Variants in SPAG16 observed in about 807,000 individuals in gnomAD.
SPAG16 encodes sperm-associated antigen 16 protein.
SPAG16 carries 86 observed loss-of-function variants against 80.4 expected under a neutral mutation model. That is an observed-to-expected ratio of 1.07 (90% CI 0.90 to 1.28). The LOEUF is 1.28. Ranked by LOEUF, SPAG16 falls within the 50% of genes most tolerant of loss-of-function variation. The probability of loss-of-function intolerance (pLI) is 0.00; values close to 1 mark genes in which losing one functional copy is unlikely to be tolerated. For missense variants in SPAG16, 870 were observed against 765.3 expected (o/e 1.14, Z -1.61); for synonymous variants, 294 against 265.9 (o/e 1.11, Z -1.03).
At chr2:214,070,982 C>G (rs564935566) in intron 13 of SPAG16, among the ~76,000 whole-genome samples, 4 of 152,188 alleles carry the variant, frequency 2.6e-5, no homozygotes, top group African/African-American at 9.6e-5. Context: ...GATTCACCTT[C>G]ATCTGCCCTA....
chr2:213,566,242 C>T (rs549236216), intron 10 of SPAG16, among the ~76,000 whole-genome samples: 5 of 152,152 alleles, frequency 3.3e-5, no homozygotes, highest in South Asian at 2.1e-4. Flanking sequence ...AAATTGCAAA[C>T]GATGCTAGCA....
intron 15 of SPAG16, among the ~76,000 whole-genome samples, chr2:214,334,032 G>A (rs528886627): frequency 2.0e-3 from 302 of 152,266 alleles, no homozygotes; most frequent in African/African-American, 6.9e-3. Context: ...TCCCATATAG[G>A]TAATCTCTCC....
intron 9 of SPAG16, among the ~76,000 whole-genome samples, chr2:213,403,871 A>G (rs1463674541): frequency 3.9e-5 from 6 of 152,198 alleles, no homozygotes; most frequent in Admixed American, 3.3e-4. Context: ...TCAGGATACA[A>G]AATCAATGTA....
Position 213,880,299 on chromosome 2 carries a change from C to T in SPAG16, c.1214+17671C>T, listed in dbSNP as rs117401747. 5.5e-3 allele frequency among the ~76,000 whole-genome samples: 835 copies of T among 152,222 alleles called. 13 individuals are homozygous for T. The highest frequency in any genetic ancestry group is 0.042 in the East Asian group (218 of 5,180). On this transcript the variant is annotated intron_variant, in intron 11 of 15. Transcript: ENST00000331683. ...CTTTTGAGAAGTGTCTGTTCATGGC[C>T]TTTGCCCACTTTTTAATGAGGTTAC...
intron 15 of SPAG16, among the ~76,000 whole-genome samples, chr2:214,165,361 T>C (rs563310369): frequency 5.3e-5 from 8 of 151,976 alleles, no homozygotes. Context: ...CATACCCGTT[T>C]ATAGGTTTTA....
chr2:214,284,507 C>T (rs890451059), intron 15 of SPAG16, among the ~76,000 whole-genome samples: 9 of 152,188 alleles, frequency 5.9e-5, no homozygotes, highest in African/African-American at 1.9e-4. Flanking sequence ...GTTTCTCTAG[C>T]TCCACGCACC....
intron 9 of SPAG16, among the ~76,000 whole-genome samples, chr2:213,397,381 T>A (rs961208331): frequency 9.2e-5 from 14 of 152,322 alleles, no homozygotes; most frequent in African/African-American, 2.9e-4. Flanking sequence ...TTGCTTCTCA[T>A]TGCTGCTTTC....
intron 11 of SPAG16, among the ~76,000 whole-genome samples, chr2:213,875,563 T>C (rs2076111377): frequency 6.6e-6 from 1 of 152,158 alleles, no homozygotes; most frequent in Non-Finnish European, 1.5e-5. Context: ...AACTAATTCT[T>C]GCTCTCACAC....
chr2:214,198,868 T>C (rs1300496455), intron 15 of SPAG16, among the ~76,000 whole-genome samples: 1 of 152,134 alleles, frequency 6.6e-6, no homozygotes, highest in East Asian at 1.9e-4. Context: ...TATTGAGCAT[T>C]TTTTCATATG....
intron 10 of SPAG16, among the ~76,000 whole-genome samples, chr2:213,671,951 C>T (rs548035718): frequency 7.2e-5 from 11 of 152,284 alleles, no homozygotes; most frequent in African/African-American, 2.4e-4. Context: ...ATATTATCCC[C>T]ATTTATCTGA....
intron 13 of SPAG16, among the ~76,000 whole-genome samples, chr2:214,030,853 G>A (rs1246981084): frequency 1.3e-5 from 2 of 152,198 alleles, no homozygotes; most frequent in African/African-American, 2.4e-5. Context: ...CTAAGGCAAT[G>A]CCACAGCTTA....
At chr2:213,472,809 A>T (rs1425670901) in intron 9 of SPAG16, among the ~76,000 whole-genome samples, 1 of 152,204 alleles carries the variant, frequency 6.6e-6, no homozygotes, top group Non-Finnish European at 1.5e-5. Flanking sequence ...GTCCCTAAGA[A>T]TCAATGTCAG....
chr2:213,449,990 C>G (rs562473870), intron 9 of SPAG16, among the ~76,000 whole-genome samples: 188 of 152,192 alleles, frequency 1.2e-3, no homozygotes, highest in Non-Finnish European at 1.8e-3. Flanking sequence ...CCTTTCCATA[C>G]TTAGTCTTTT....
At chr2:213,686,453 T>C (rs1020451757) in intron 10 of SPAG16, among the ~76,000 whole-genome samples, 2 of 152,086 alleles carry the variant, frequency 1.3e-5, no homozygotes, top group African/African-American at 4.8e-5. Context: ...TGAAATTTAT[T>C]TTTCTTATAT....
intron 15 of SPAG16, among the ~76,000 whole-genome samples, chr2:214,340,801 C>G (rs1697628808): frequency 6.6e-6 from 1 of 152,138 alleles, no homozygotes; most frequent in African/African-American, 2.4e-5. Context: ...CCTGCTCACT[C>G]CACATCCACC....
intron 11 of SPAG16, among the ~76,000 whole-genome samples, chr2:213,925,604 G>A (rs2078434269): frequency 6.6e-6 from 1 of 152,094 alleles, no homozygotes; most frequent in South Asian, 2.1e-4. Flanking sequence ...TGTCTGCCTT[G>A]GCCTCCGAAG....
chr2:214,129,614 A>T (rs2054661752), intron 14 of SPAG16, among the ~76,000 whole-genome samples: 1 of 152,194 alleles, frequency 6.6e-6, no homozygotes, highest in Non-Finnish European at 1.5e-5. Flanking sequence ...TATACAAAAT[A>T]AAAGTTGGCA....
chr2:214,405,052 T>C (rs1420575338), intron 15 of SPAG16, among the ~76,000 whole-genome samples: 1 of 152,194 alleles, frequency 6.6e-6, no homozygotes, highest in Non-Finnish European at 1.5e-5. Context: ...TAAGAACTTA[T>C]GCAACTAGAG....
chr2:213,631,369 G>A (rs1343599844), intron 10 of SPAG16, among the ~76,000 whole-genome samples: 1 of 152,106 alleles, frequency 6.6e-6, no homozygotes, highest in East Asian at 1.9e-4. Context: ...CATGTATTAT[G>A]TTCCATTGAC....
Sources: allele counts gnomAD v4.1 joint callset (sites outside exome capture counted in the v4.1 genomes callset), GRCh38; gene constraint gnomAD v4.1.1; transcripts MANE v1.5; gene names NCBI Gene and HGNC (gene_info 2026-07-23, HGNC 2026-07-21).